Variants in KCNH1 observed in about 807,000 individuals in gnomAD.
KCNH1 encodes potassium voltage-gated channel subfamily H member 1, also known as voltage-gated delayed rectifier potassium channel KCNH1.
A neutral mutation model predicts 69.2 loss-of-function variants in KCNH1; 27 were observed. That is an observed-to-expected ratio of 0.39 (90% CI 0.29 to 0.54). The LOEUF (loss-of-function observed/expected upper bound fraction) is 0.54. Among genes scored for constraint, KCNH1 ranks in the 20% least tolerant of loss-of-function variants. KCNH1 has a pLI of 0.68. For missense variants in KCNH1, 798 were observed against 1,261.6 expected, an observed-to-expected ratio of 0.63 and a Z score of 5.57; for synonymous variants, 456 against 487.7, an observed-to-expected ratio of 0.93 and a Z score of 0.86.
At chr1:210,821,922 G>A (rs908891987) in intron 7 of KCNH1, among the ~76,000 whole-genome samples, 4 of 151,592 alleles carry the variant, frequency 2.6e-5, no homozygotes, top group Non-Finnish European at 4.4e-5. Context: ...TTGCAGCCTC[G>A]AACTCCGTGG....
At chr1:211,053,280 A>G (rs1690238656) in intron 5 of KCNH1, among the ~76,000 whole-genome samples, 1 of 152,228 alleles carries the variant, frequency 6.6e-6, no homozygotes, top group Non-Finnish European at 1.5e-5. Context: ...CAGGCAGTAG[A>G]GTAGACTAAG....
intron 5 of KCNH1, among the ~76,000 whole-genome samples, chr1:211,026,424 C>T (rs1260568270): frequency 6.6e-6 from 1 of 151,000 alleles, no homozygotes; most frequent in Non-Finnish European, 1.5e-5. Flanking sequence ...CCTATTCTTT[C>T]CAGCCAAAAG....
chr1:210,709,739 AGAAAGAG>A (rs1558433469), intron 10 of KCNH1, among the ~76,000 whole-genome samples: 22 of 78,304 alleles, frequency 2.8e-4, no homozygotes, highest in African/African-American at 5.2e-4. Context: ...AGAGAGAGAG[AGAAAGAG>A]AGAGAGAGAG....
chr1:210,972,464 G>A (rs1688526618), intron 6 of KCNH1, among the ~76,000 whole-genome samples: 1 of 151,944 alleles, frequency 6.6e-6, no homozygotes, highest in South Asian at 2.1e-4. Context: ...TTGCCCTAAA[G>A]TTCCTTTTTT....
At chr1:210,826,730 T>A (rs1685039217) in intron 7 of KCNH1, among the ~76,000 whole-genome samples, 1 of 152,250 alleles carries the variant, frequency 6.6e-6, no homozygotes, top group South Asian at 2.1e-4. Flanking sequence ...TTATTCTGAA[T>A]ACATAGAAAC....
intron 10 of KCNH1, among the ~76,000 whole-genome samples, chr1:210,772,762 G>C (rs894266415): frequency 3.0e-4 from 45 of 152,126 alleles, no homozygotes; most frequent in African/African-American, 1.0e-3. Context: ...TTCATTCTTT[G>C]GGGAGCTCTG....
intron 6 of KCNH1, among the ~76,000 whole-genome samples, chr1:211,005,155 A>C (rs1190032652): frequency 6.6e-6 from 1 of 152,132 alleles, no homozygotes; most frequent in Non-Finnish European, 1.5e-5. Flanking sequence ...GAACAATTGT[A>C]TATCAGTAAC....
chr1:210,918,050 A>T (rs1048154482), intron 7 of KCNH1, among the ~76,000 whole-genome samples: 8 of 152,160 alleles, frequency 5.3e-5, no homozygotes, highest in African/African-American at 1.7e-4. Context: ...CCTTAGACAC[A>T]TTCCTTAAAT....
At chr1:210,998,801 C>A (rs950435950) in intron 6 of KCNH1, among the ~76,000 whole-genome samples, 3 of 152,090 alleles carry the variant, frequency 2.0e-5, no homozygotes, top group Admixed American at 6.6e-5. Flanking sequence ...ACAGAAATCA[C>A]AACAAACTGT....
chr1:211,113,538 C>A (rs780631574), intron 1 of KCNH1, among the ~76,000 whole-genome samples: 3 of 152,122 alleles, frequency 2.0e-5, no homozygotes, highest in Non-Finnish European at 4.4e-5. Context: ...TATAACAGTC[C>A]TGCTCCCATA....
chr1:210,865,188 C>T (rs1429178382), intron 7 of KCNH1, among the ~76,000 whole-genome samples: 1 of 152,198 alleles, frequency 6.6e-6, no homozygotes, highest in Admixed American at 6.5e-5. Context: ...CTTCATTTGT[C>T]AAGCTAAACA....
At chr1:210,772,593 A>T in intron 10 of KCNH1, among the ~76,000 whole-genome samples, 1 of 151,890 alleles carries the variant, frequency 6.6e-6, no homozygotes, top group East Asian at 1.9e-4. Flanking sequence ...TACCAGACTC[A>T]TATATAGTCA....
At position 210,804,112 on chromosome 1, in the gene KCNH1, T is replaced by G. The variant is rs759179966; in HGVS notation, c.1517A>C (p.Tyr506Ser). Residue 506 changes from tyrosine to serine, a missense_variant, in exon 8 of 11, where the codon TAT becomes TCT. Around this residue, in one of 4 missense-constraint regions of KCNH1, gnomAD observed 197 missense variants for 407.7 expected, o/e 0.48. Coordinates refer to ENST00000271751, the MANE Select transcript of KCNH1 (RefSeq NM_172362.3). ...GNVTTIFQQM[Y>S]ANTNRYHEML... ...CTCATGGTATCTGTTGGTGTTGGCA[T>G]ACATCTGTTGGAAAATAGTCGTCAC... 6.2e-7 allele frequency: 1 copy of G among 1,614,218 alleles called. No individual in the cohort carries two copies. The highest frequency in any genetic ancestry group is 2.2e-5 in the East Asian group (1 of 44,890).
intron 7 of KCNH1, among the ~76,000 whole-genome samples, chr1:210,816,768 T>G (rs1365458838): frequency 6.6e-6 from 1 of 152,220 alleles, no homozygotes; most frequent in Non-Finnish European, 1.5e-5. Context: ...AGCATGTTAA[T>G]CTTAACTAGG....
intron 6 of KCNH1, among the ~76,000 whole-genome samples, chr1:210,921,520 A>G (rs17017051): frequency 0.025 from 3,789 of 152,294 alleles, 61 homozygotes; most frequent in Middle Eastern, 0.034. Flanking sequence ...AATGTACACA[A>G]GCTTTTTGAT....
intron 7 of KCNH1, among the ~76,000 whole-genome samples, chr1:210,856,731 G>A (rs1238151123): frequency 6.9e-6 from 1 of 144,278 alleles, no homozygotes; most frequent in Non-Finnish European, 1.5e-5. Context: ...TTACCCAGAG[G>A]AGCACATTGG....
intron 1 of KCNH1, among the ~76,000 whole-genome samples, chr1:211,119,792 G>T (rs1462885362): frequency 6.6e-6 from 1 of 152,148 alleles, no homozygotes; most frequent in Non-Finnish European, 1.5e-5. Flanking sequence ...ATAGTTATTT[G>T]CTCTGTCTGA....
chr1:210,885,023 A>G (rs1686572497), intron 7 of KCNH1, among the ~76,000 whole-genome samples: 2 of 152,238 alleles, frequency 1.3e-5, no homozygotes, highest in Admixed American at 1.3e-4. Context: ...ATCTGAAGCC[A>G]CACTTTTCCT....
intron 1 of KCNH1, chr1:211,108,444 ATATAT>A (rs1437885552): frequency 2.0e-5 from 3 of 152,090 alleles, no homozygotes; most frequent in Non-Finnish European, 2.9e-5. Context: ...AATAATAGTG[ATATAT>A]TATATCATCA....
Sources: allele counts gnomAD v4.1 joint callset (sites outside exome capture counted in the v4.1 genomes callset), GRCh38; gene constraint gnomAD v4.1.1; regional missense constraint gnomAD v4.1.1; transcripts MANE v1.5; gene names NCBI Gene and HGNC (gene_info 2026-07-23, HGNC 2026-07-21).